Variants in CCDC38 observed in about 807,000 individuals in gnomAD.
CCDC38 encodes the protein coiled-coil domain-containing protein 38.
A neutral mutation model predicts 72.8 loss-of-function variants in CCDC38; 69 were observed. That is an observed-to-expected ratio of 0.95 (90% CI 0.78 to 1.16). The LOEUF (loss-of-function observed/expected upper bound fraction) is 1.16, where lower values mean the gene tolerates loss of function less well. Among genes scored for constraint, CCDC38 ranks in the 50% most tolerant of loss-of-function variants. The pLI is 0.00. For missense variants in CCDC38, 626 were observed against 638.9 expected (o/e 0.98, Z 0.22); for synonymous variants, 201 against 213.2 (o/e 0.94, Z 0.50).
In CCDC38 at chr12:95,872,337, C is replaced by T. The variant is rs1367155030; in HGVS notation, c.1402G>A (p.Glu468Lys). The T allele has an allele frequency of 6.2e-7, 1 of 1,614,184 alleles. No homozygotes were observed. The highest frequency in any genetic ancestry group is 1.3e-5 in the African/African-American group (1 of 75,054). The change falls in exon 14 of 16, where the codon GAA (glutamate) becomes AAA (lysine). Residue 468 changes from glutamate to lysine, a missense_variant. Glu to Lys is a moderately conservative substitution (Grantham distance 56, BLOSUM62 1). Coordinates refer to ENST00000344280, the MANE Select transcript of CCDC38 (RefSeq NM_182496.3). Reference sequence around the variant, plus strand: ...ATGGATTCGATGAGGTCACACAGTTCTACCAGGCGAGATTCTACTTTTACC... The same window carrying T: ...ATGGATTCGATGAGGTCACACAGTTTTACCAGGCGAGATTCTACTTTTACC... ...KLVKVESRLV[E>K]LCDLIESIPK...
intron 14 of CCDC38, chr12:95,869,821 ATTT>A (rs56007426): frequency 6.1e-3 from 1,699 of 276,974 alleles, no homozygotes; most frequent in Middle Eastern, 0.01. Flanking sequence ...ATCTTGGTCT[ATTT>A]TTTTTTTTTT....
intron 10 of CCDC38, among the ~76,000 whole-genome samples, chr12:95,886,804 A>G (rs561536805): frequency 1.3e-5 from 2 of 152,248 alleles, no homozygotes; most frequent in Non-Finnish European, 2.9e-5. Context: ...TGTTGAGGAT[A>G]TGAAGAAACT....
chr12:95,928,667 G>A (rs1305354946), intron 2 of CCDC38, among the ~76,000 whole-genome samples: 1 of 152,206 alleles, frequency 6.6e-6, no homozygotes, highest in African/African-American at 2.4e-5. Flanking sequence ...CATCTTTGTG[G>A]TTGTATCTAC....
intron 2 of CCDC38, among the ~76,000 whole-genome samples, chr12:95,922,700 C>A (rs10777752): frequency 0.68 from 102,637 of 151,996 alleles, 35,493 homozygotes; most frequent in East Asian, 0.94. Context: ...GCAGCACATA[C>A]AATTTTAGGC....
At chr12:95,903,618 G>C in intron 5 of CCDC38, 1 of 550,158 alleles carries the variant, frequency 1.8e-6, no homozygotes. Flanking sequence ...GGATATTGTT[G>C]AGTGGTTTTT....
At chr12:95,870,115 A>G (rs905751030) in intron 14 of CCDC38, among the ~76,000 whole-genome samples, 1 of 152,168 alleles carries the variant, frequency 6.6e-6, no homozygotes, top group Non-Finnish European at 1.5e-5. Context: ...AGTTTGTATA[A>G]TAGCTACTTG....
At chr12:95,936,434 C>T in intron 2 of CCDC38, 39 bp downstream of exon 2, 1 of 1,593,304 alleles carries the variant, frequency 6.3e-7, no homozygotes. Context: ...CTAACACTGC[C>T]AGGCCCAAAC....
chr12:95,939,415 G>A (rs2080426584), intron 1 of CCDC38, among the ~76,000 whole-genome samples: 1 of 152,152 alleles, frequency 6.6e-6, no homozygotes, highest in African/African-American at 2.4e-5. Flanking sequence ...AAAGGGAAAA[G>A]GGTCACACAG....
chr12:95,917,694 G>C (rs2080160559), intron 3 of CCDC38, among the ~76,000 whole-genome samples: 1 of 151,298 alleles, frequency 6.6e-6, no homozygotes, highest in Admixed American at 6.6e-5. Flanking sequence ...TCAAGATGGA[G>C]AAACCCCTCT....
intron 1 of CCDC38, among the ~76,000 whole-genome samples, chr12:95,937,284 G>C (rs971454875): frequency 5.3e-5 from 8 of 152,022 alleles, no homozygotes; most frequent in Non-Finnish European, 8.8e-5. Flanking sequence ...CACAGAACTT[G>C]TCTCTATTTA....
rs1292671112 is a variant in CCDC38, at chr12:95,898,815, T to A, written c.370-84A>T. 2.3e-6 allele frequency: 3 copies of A among 1,317,298 alleles called. No homozygotes were observed. The African/African-American group carries it at 4.5e-5, about 20-fold the overall frequency. The allele number at this position is 1,317,298 out of a possible 1,614,324, so 81.6% of individuals were successfully genotyped here. On this transcript the variant is annotated intron_variant, in intron 5 of 15. Transcript: ENST00000344280. Reference sequence around the variant, plus strand: ...CAGTCTTATACACAGCAAGTGAACATTTGTATTAGAAATAATAGTACGCCT... The same window carrying A: ...CAGTCTTATACACAGCAAGTGAACAATTGTATTAGAAATAATAGTACGCCT...
chr12:95,918,858 A>C lies in CCDC38; in HGVS notation c.138+18T>G. On this transcript the variant is annotated intron_variant, in intron 3 of 15. Coordinates refer to ENST00000344280, the MANE Select transcript of CCDC38 (RefSeq NM_182496.3). ...GATTCTAACATTAATTGGGGTTGTG[A>C]TTTTAATTAAACTTTACCGTTTCCT... is the stretch of plus-strand genomic sequence containing the variant. 1 of 1,521,166 alleles carries C rather than the reference A, an allele frequency of 6.6e-7. No individual in the cohort carries two copies. The highest frequency in any genetic ancestry group is 9.1e-7 in the Non-Finnish European group (1 of 1,096,052). 94.2% of individuals were successfully genotyped at this position (1,521,166 alleles called of 1,614,324 possible).
intron 5 of CCDC38, among the ~76,000 whole-genome samples, chr12:95,900,286 C>T (rs1039313280): frequency 1.3e-5 from 2 of 152,152 alleles, no homozygotes; most frequent in African/African-American, 4.8e-5. Context: ...TCCCAAATGT[C>T]AAAATCCCGA....
At chr12:95,904,425 A>G (rs1260798338) in intron 5 of CCDC38, among the ~76,000 whole-genome samples, 1 of 152,266 alleles carries the variant, frequency 6.6e-6, no homozygotes, top group East Asian at 1.9e-4. Context: ...GGAAGGACTC[A>G]CAAACTCACT....
chr12:95,877,613 T>C (rs1180556508), intron 13 of CCDC38, among the ~76,000 whole-genome samples: 1 of 152,148 alleles, frequency 6.6e-6, no homozygotes, highest in Non-Finnish European at 1.5e-5. Flanking sequence ...CAACAAACAT[T>C]TATTGAGCAC....
intron 13 of CCDC38, among the ~76,000 whole-genome samples, chr12:95,877,753 A>G (rs2079650874): frequency 6.6e-6 from 1 of 152,312 alleles, no homozygotes; most frequent in African/African-American, 2.4e-5. Context: ...AGCTGTTTTG[A>G]TAATGAGTCT....
intron 4 of CCDC38, among the ~76,000 whole-genome samples, chr12:95,908,465 G>T (rs1376094127): frequency 0.42 from 105 of 252 alleles, 8 homozygotes; most frequent in Non-Finnish European, 0.43. Context: ...GAGAGGGAGA[G>T]GGAGAGGGAG....
chr12:95,931,369 T>A (rs1245721597), intron 2 of CCDC38, among the ~76,000 whole-genome samples: 1 of 152,244 alleles, frequency 6.6e-6, no homozygotes, highest in Non-Finnish European at 1.5e-5. Context: ...AACCTTCCCA[T>A]ATCAAGGTAA....
intron 2 of CCDC38, among the ~76,000 whole-genome samples, chr12:95,925,845 A>T (rs1490977376): frequency 6.7e-6 from 1 of 149,512 alleles, no homozygotes; most frequent in Non-Finnish European, 1.5e-5. Context: ...GATTACATTT[A>T]TTGATTTGCG....
Sources: allele counts gnomAD v4.1 joint callset (sites outside exome capture counted in the v4.1 genomes callset), GRCh38; gene constraint gnomAD v4.1.1; transcripts MANE v1.5; gene names NCBI Gene and HGNC (gene_info 2026-07-23, HGNC 2026-07-21).